AHNAK2: variants seen among roughly 807,000 people sequenced by gnomAD.
AHNAK2 encodes AHNAK nucleoprotein 2.
Under a neutral mutation model 30.7 loss-of-function variants are expected in AHNAK2, and 18 were observed. That is an observed-to-expected ratio of 0.59 (90% confidence interval 0.41 to 0.87). AHNAK2 has a LOEUF of 0.87. Among genes scored for constraint, AHNAK2 ranks in the 40% least tolerant of loss-of-function variants. The pLI, the probability that AHNAK2 is intolerant of heterozygous loss-of-function variation, is 0.00. For missense variants in AHNAK2, 8,604 were observed against 7,373.0 expected (o/e 1.17, Z -6.11); for synonymous variants, 3,590 against 3,073.8 (o/e 1.17, Z -5.56).
In AHNAK2 at chr14:104,954,745, C is replaced by A; in HGVS notation, c.706G>T (p.Asp236Tyr). Residue 236 changes from aspartate to tyrosine, a missense_variant, in exon 7 of 7, where the codon GAT becomes TAT. Coordinates refer to ENST00000333244, the MANE Select transcript of AHNAK2 (RefSeq NM_138420.4). This position sits in a 1 kb window ranked among gnomAD's most constrained non-coding sequence, Gnocchi z 4.3. Reference protein sequence around the residue: ...RETPTKTLEGDGDQERLISKP... With the variant: ...RETPTKTLEGYGDQERLISKP... ...GAGATGAGTCTCTCTTGGTCCCCATCTCCTTCCAGAGTTTTCGTGGGGGTC... is the reference window on the plus strand; with the variant it reads ...GAGATGAGTCTCTCTTGGTCCCCATATCCTTCCAGAGTTTTCGTGGGGGTC... The A allele has an allele frequency of 6.2e-7, 1 of 1,604,576 alleles. No individual in the cohort carries two copies. The highest frequency in any genetic ancestry group is 8.5e-7 in the Non-Finnish European group (1 of 1,175,450).
Position 104,944,285 on chromosome 14 carries a change from G to A in AHNAK2, c.11166C>T (p.Pro3722=). The change falls in exon 7 of 7, where the codon CCC becomes CCT. Residue 3722 remains proline, a synonymous_variant. Coordinates refer to ENST00000333244, the MANE Select transcript of AHNAK2 (RefSeq NM_138420.4). ...TCTTCAAACTGGGCATCTCCACCTT[G>A]GGCAGGTGCTCTTTGAGGCCGGCTC... is the stretch of plus-strand genomic sequence containing the variant. ...PEGAGLKEHL[P]KVEMPSLKMP... 1 of 1,612,904 alleles carries A rather than the reference G, an allele frequency of 6.2e-7. No homozygotes were observed. Among genetic ancestry groups the A allele is most frequent in the Non-Finnish European group, 8.5e-7 (1 of 1,179,564 alleles).
In AHNAK2 at chr14:104,946,536, G is replaced by A. The variant is rs532554875; in HGVS notation, c.8915C>T (p.Thr2972Ile). 2 of 1,612,442 alleles carry A rather than the reference G, an allele frequency of 1.2e-6. No individual in the cohort carries two copies. The highest frequency in any genetic ancestry group is 2.2e-5 in the South Asian group (2 of 91,008). ...GDLSLADKDVTAKDSKFKMPK... is the reference protein window; with the variant it reads ...GDLSLADKDVIAKDSKFKMPK... Reference sequence around the variant, plus strand: ...CATTTTGAACTTGCTGTCTTTGGCAGTCACATCCTTGTCGGCCAGGGACAG... The same window carrying A: ...CATTTTGAACTTGCTGTCTTTGGCAATCACATCCTTGTCGGCCAGGGACAG... Residue 2972 changes from threonine to isoleucine, a missense_variant, in exon 7 of 7, where the codon ACT becomes ATT. Thr to Ile is a moderately conservative substitution (Grantham distance 89, BLOSUM62 -1). Coordinates refer to ENST00000333244, the MANE Select transcript of AHNAK2 (RefSeq NM_138420.4).
Position 104,965,401 on chromosome 14 carries a change from C to CAA in AHNAK2, c.56-7731_56-7730dup, listed in dbSNP as rs397853385. Among the ~76,000 whole-genome samples, 482 of 85,474 alleles carry CAA rather than the reference C, an allele frequency of 5.6e-3. 2 individuals carry two copies. Among genetic ancestry groups the CAA allele is most frequent in the African/African-American group, 0.02 (438 of 21,804 alleles). 56.1% of individuals were successfully genotyped at this position (85,474 alleles called of 152,430 possible). ...CAGCAACAAAAGCAAAACTCTGTCT[C>CAA]AAAAAAAAAAAAAAAAAAAAGAAAA... is the stretch of plus-strand genomic sequence containing the variant. On this transcript the variant is annotated intron_variant, in intron 1 of 6. Transcript: ENST00000333244.
intron 1 of AHNAK2, among the ~76,000 whole-genome samples, chr14:104,964,751 C>T (rs1201050539): frequency 6.6e-6 from 1 of 152,248 alleles, no homozygotes; most frequent in Non-Finnish European, 1.5e-5. Context: ...GCTCAGGCCA[C>T]CTAGGGCTGA....
intron 1 of AHNAK2, among the ~76,000 whole-genome samples, chr14:104,976,762 T>C (rs1485433331): frequency 6.6e-6 from 1 of 151,814 alleles, no homozygotes; most frequent in African/African-American, 2.4e-5. Context: ...TGGGAGTCTC[T>C]GGGTGCCCGT....
chr14:104,964,851 T>A (rs554397647), intron 1 of AHNAK2, among the ~76,000 whole-genome samples: 1 of 152,206 alleles, frequency 6.6e-6, no homozygotes, highest in Non-Finnish European at 1.5e-5. Flanking sequence ...CCATAAAAAA[T>A]TTTAGAATTC....
At chr14:104,976,016 C>G (rs1899581037) in intron 1 of AHNAK2, among the ~76,000 whole-genome samples, 2 of 152,174 alleles carry the variant, frequency 1.3e-5, no homozygotes, top group African/African-American at 4.8e-5. Context: ...CATGGTATCA[C>G]CACCTGGGGC....
chr14:104,943,154 C>T lies in AHNAK2; in HGVS notation c.12297G>A (p.Met4099Ile). 3 of 1,613,484 alleles carry T rather than the reference C, an allele frequency of 1.9e-6. No homozygotes were observed. Among genetic ancestry groups the T allele is most frequent in the African/African-American group, 2.7e-5 (2 of 74,934 alleles). The change falls in exon 7 of 7, where the codon ATG becomes ATA. Residue 4099 changes from methionine to isoleucine, a missense_variant. Transcript: ENST00000333244. The stretch of plus-strand genomic sequence containing the variant: ...CTCTCGGGGCCTGGACGTCCACCTC[C>T]ATGCTGGACAGAGACATCTTCACAT... ...APDVKMSLSS[M>I]EVDVQAPRAK... is the part of the protein sequence containing the mutation.
chr14:104,948,372 T>A lies in AHNAK2; in HGVS notation c.7079A>T (p.Asp2360Val). Residue 2360 changes from aspartate to valine, a missense_variant, in exon 7 of 7, where the codon GAC (aspartate) becomes GTC (valine). Coordinates refer to ENST00000333244, the MANE Select transcript of AHNAK2 (RefSeq NM_138420.4). ...ADVSLPSMQG[D>V]LKTTDLSVQP... ...AACGCTGAGGTCAGTGGTCTTGAGG[T>A]CCCCCTGCATGGAGGGGAGGCTCAC... 6.2e-7 allele frequency: 1 copy of A among 1,611,980 alleles called. No individual in the cohort carries two copies.
chr14:104,976,265 T>C (rs1566928345), intron 1 of AHNAK2, among the ~76,000 whole-genome samples: 1 of 151,870 alleles, frequency 6.6e-6, no homozygotes, highest in South Asian at 2.1e-4. Context: ...CTGCGTGGGG[T>C]GGTCCCAGCA....
intron 1 of AHNAK2, among the ~76,000 whole-genome samples, chr14:104,972,067 C>A (rs1899484554): frequency 1.3e-5 from 2 of 152,214 alleles, no homozygotes; most frequent in African/African-American, 4.8e-5. Flanking sequence ...CTCAAGTAGG[C>A]CAGAGGACTT....
At position 104,949,811 on chromosome 14, in the gene AHNAK2, C is replaced by G. The variant is rs771867786; in HGVS notation, c.5640G>C (p.Leu1880=). The G allele has an allele frequency of 3.8e-6, 6 of 1,587,408 alleles. 1 individual carries two copies. In the African/African-American group the frequency reaches 6.9e-5, roughly 18 times the overall value. Residue 1880 remains leucine, a synonymous_variant, in exon 7 of 7, where the codon CTG becomes CTC. Transcript: ENST00000333244. ...DLCIPLPSAD[L]VVQAGQVDMK... ...TGTCCACTTGGCCAGCCTGGACCAC[C>G]AGGTCTGCAGAAGGGAGCGGAATGC...
rs1899310752 is a variant in AHNAK2 at position 104,966,641 on chromosome 14, C to T, written c.56-8969G>A. Among the ~76,000 whole-genome samples, 1 of 152,158 alleles carries T rather than the reference C, an allele frequency of 6.6e-6. No individual in the cohort carries two copies. Among genetic ancestry groups the T allele is most frequent in the African/African-American group, 2.4e-5 (1 of 41,438 alleles). On this transcript the variant is annotated intron_variant, in intron 1 of 6. Transcript: ENST00000333244. The surrounding 1 kb of genome is among the most constrained non-coding windows in gnomAD (Gnocchi z 4.3). ...CTCCTTGCCCACCTGCCCCCTCCCACTCCCTCCACGTGGCCCTGCCAGGGC... is the reference window on the plus strand; with the variant it reads ...CTCCTTGCCCACCTGCCCCCTCCCATTCCCTCCACGTGGCCCTGCCAGGGC...
At position 104,950,150 on chromosome 14, in the gene AHNAK2, C is replaced by T. The variant is rs1424446241; in HGVS notation, c.5301G>A (p.Lys1767=). Reference sequence around the variant, plus strand: ...CCGCCTTGGGGCCTTTCAGGTCCAGCTTGGGGCCCTTGACGTCCATCTGGG... The same window carrying T: ...CCGCCTTGGGGCCTTTCAGGTCCAGTTTGGGGCCCTTGACGTCCATCTGGG... The part of the protein sequence containing the change: ...KGPQMDVKGP[K]LDLKGPKAEV... Residue 1767 remains lysine (K), a synonymous_variant, in exon 7 of 7, where the codon AAG becomes AAA. Coordinates refer to ENST00000333244, the MANE Select transcript of AHNAK2 (RefSeq NM_138420.4). 1.9e-6 allele frequency: 3 copies of T among 1,586,458 alleles called. No individual in the cohort carries two copies. The highest frequency in any genetic ancestry group is 2.3e-5 in the East Asian group (1 of 44,396).
At chr14:104,957,200 A>G (rs533780975) in intron 3 of AHNAK2, among the ~76,000 whole-genome samples, 22 of 152,268 alleles carry the variant, frequency 1.4e-4, no homozygotes, top group African/African-American at 5.1e-4. Flanking sequence ...TGCTCACAAG[A>G]GCTGCAGGGC....
chr14:104,962,723 G>A (rs1295293861), intron 1 of AHNAK2, among the ~76,000 whole-genome samples: 3 of 151,940 alleles, frequency 2.0e-5, no homozygotes, highest in East Asian at 1.9e-4. Context: ...CACCATGCCC[G>A]GCCAAATTCT....
intron 1 of AHNAK2, among the ~76,000 whole-genome samples, chr14:104,977,413 G>A (rs933387390): frequency 2.0e-5 from 3 of 152,170 alleles, no homozygotes; most frequent in Admixed American, 6.5e-5. Flanking sequence ...TACACATGCC[G>A]TAGCCTGCGG....
chr14:104,953,919 G>A lies in AHNAK2; in HGVS notation c.1532C>T (p.Pro511Leu). The stretch of plus-strand genomic sequence containing the variant: ...CGCATCCTGTCTCTTCCCTCGCTGT[G>A]GGGTACTAAGGCGCCTTTCTCTTTC... ...EPERERRLSTPQRGKRQDASS... is the reference protein window; with the variant it reads ...EPERERRLSTLQRGKRQDASS... Residue 511 changes from proline to leucine, a missense_variant, in exon 7 of 7, where the codon CCA (proline) becomes CTA (leucine). Transcript: ENST00000333244. 6.2e-7 allele frequency: 1 copy of A among 1,613,970 alleles called. No homozygotes were observed. Among genetic ancestry groups the A allele is most frequent in the Non-Finnish European group, 8.5e-7 (1 of 1,179,896 alleles).
rs1381829552 is a variant in AHNAK2, at chr14:104,941,881, C to A, written c.13570G>T (p.Ala4524Ser). Residue 4524 changes from alanine (A) to serine (S), a missense_variant, in exon 7 of 7, where the codon GCT becomes TCT. By Grantham distance (99) the Ala-to-Ser change is moderately conservative. Transcript: ENST00000333244. ...GGAAGTTTCAAGTCCACCTGGCCAG[C>A]CTGGACCTCCAGGTCGGCGGAAGGG... Reference protein sequence around the residue: ...QAPSADLEVQAGQVDLKLPEG... With the variant: ...QAPSADLEVQSGQVDLKLPEG... The A allele has an allele frequency of 1.2e-6, 2 of 1,613,556 alleles. No individual in the cohort carries two copies. The highest frequency in any genetic ancestry group is 1.7e-6 in the Non-Finnish European group (2 of 1,179,660).
Sources: gnomAD v4.1 joint callset for allele counts (sites outside exome capture counted in the v4.1 genomes callset) on GRCh38, gnomAD v4.1.1 for gene constraint, Gnocchi (gnomAD v3.1) non-coding constraint, MANE v1.5 for transcripts, NCBI Gene and HGNC (gene_info 2026-07-23, HGNC 2026-07-21) for gene names.